The following SLC23A2 variants were observed in gnomAD, a reference collection of about 807,000 sequenced individuals.
The protein encoded by SLC23A2 is solute carrier family 23 member 2, also known as Na(+)/L-ascorbic acid transporter 2.
A neutral mutation model predicts 73.3 loss-of-function variants in SLC23A2; 36 were observed. That is an observed-to-expected ratio of 0.49 (90% CI 0.38 to 0.65). SLC23A2 has a LOEUF of 0.65. Ranked by LOEUF, SLC23A2 falls within the 30% of genes least tolerant of loss-of-function variation. SLC23A2 has a pLI of 0.00. For synonymous variants in SLC23A2, 343 were observed against 327.3 expected (o/e 1.05, Z -0.52); for missense variants, 507 against 841.6 (o/e 0.60, Z 4.92).
At chr20:4,867,018 C>G (rs913853332) in intron 13 of SLC23A2, among the ~76,000 whole-genome samples, 1 of 149,444 alleles carries the variant, frequency 6.7e-6, no homozygotes, top group South Asian at 2.1e-4. Flanking sequence ...TGCCCAGCCC[C>G]CCATGGTCTA....
intron 2 of SLC23A2, among the ~76,000 whole-genome samples, chr20:4,945,293 C>CTTGTTTGT (rs141626440): frequency 2.0e-5 from 3 of 151,802 alleles, no homozygotes; most frequent in Admixed American, 6.6e-5. Flanking sequence ...AACTCTTGAT[C>CTTGTTTGT]TTGTTTGTTT....
intron 1 of SLC23A2, among the ~76,000 whole-genome samples, chr20:4,983,060 G>A (rs1386293976): frequency 3.3e-5 from 5 of 151,750 alleles, no homozygotes; most frequent in African/African-American, 4.8e-5. Context: ...AGTCAAAATC[G>A]CGCCATTGCA....
rs527866143 is a variant in SLC23A2 at position 4,881,582 on chromosome 20, T to C, written c.824+2060A>G. 4.6e-5 allele frequency among the ~76,000 whole-genome samples: 7 copies of C among 152,382 alleles called. No individual in the cohort carries two copies. In the South Asian group the frequency reaches 1.5e-3, roughly 32 times the overall value. On this transcript the variant is annotated intron_variant, in intron 9 of 16. Coordinates refer to ENST00000338244, the MANE Select transcript of SLC23A2 (RefSeq NM_005116.6). ...TGCTTAGCTTTGCCAGAAGTTTGTC[T>C]ACATTGGGTTTTGTTTCCCCCTCAA...
chr20:4,886,617 T>A (rs1931109074), intron 6 of SLC23A2, among the ~76,000 whole-genome samples: 1 of 152,346 alleles, frequency 6.6e-6, no homozygotes, highest in East Asian at 1.9e-4. Context: ...TTTAGATACT[T>A]CATATTGACT....
chr20:4,910,033 C>T (rs542077099), intron 4 of SLC23A2, among the ~76,000 whole-genome samples: 1 of 152,298 alleles, frequency 6.6e-6, no homozygotes, highest in East Asian at 1.9e-4. Context: ...AACCAGCTTA[C>T]ATGCCACTCT....
At chr20:4,880,059 C>A (rs556272215) in intron 9 of SLC23A2, among the ~76,000 whole-genome samples, 1 of 152,182 alleles carries the variant, frequency 6.6e-6, no homozygotes, top group Non-Finnish European at 1.5e-5. Flanking sequence ...TAGAATGTGC[C>A]GCAATACATC....
intron 1 of SLC23A2, among the ~76,000 whole-genome samples, chr20:4,988,879 C>A (rs912984266): frequency 4.6e-5 from 7 of 151,774 alleles, no homozygotes; most frequent in African/African-American, 1.7e-4. Context: ...CCATTGCACT[C>A]CAGCTGAGCA....
chr20:4,983,870 T>C (rs6053013), intron 1 of SLC23A2, among the ~76,000 whole-genome samples: 126,544 of 150,852 alleles, frequency 0.84, 53,157 homozygotes, highest in East Asian at 0.98. Flanking sequence ...GCAGGAGAAT[T>C]GCTTGAACCC....
chr20:4,886,908 T>C (rs978616795), intron 6 of SLC23A2, among the ~76,000 whole-genome samples: 2 of 152,070 alleles, frequency 1.3e-5, no homozygotes, highest in Non-Finnish European at 2.9e-5. Context: ...TGGCAGCAAG[T>C]CCTACCCACA....
At chr20:4,887,204 C>T (rs1169533939) in intron 6 of SLC23A2, among the ~76,000 whole-genome samples, 1 of 152,180 alleles carries the variant, frequency 6.6e-6, no homozygotes, top group Admixed American at 6.5e-5. Context: ...TAATTACCTG[C>T]CAGAGGGGCC....
intron 2 of SLC23A2, among the ~76,000 whole-genome samples, chr20:4,939,512 G>T (rs2122959085): frequency 6.6e-6 from 1 of 152,314 alleles, no homozygotes; most frequent in South Asian, 2.1e-4. Context: ...AAACACATGA[G>T]CAAGCCTCTT....
At chr20:4,873,480 A>C (rs561207620) in intron 11 of SLC23A2, among the ~76,000 whole-genome samples, 1 of 152,328 alleles carries the variant, frequency 6.6e-6, no homozygotes, top group South Asian at 2.1e-4. Context: ...GCTGTGGCCA[A>C]ATTTAAAAGA....
intron 1 of SLC23A2, among the ~76,000 whole-genome samples, chr20:4,982,776 T>C (rs1027735816): frequency 2.0e-5 from 3 of 151,852 alleles, no homozygotes; most frequent in Non-Finnish European, 4.4e-5. Flanking sequence ...GGGGGTAGAG[T>C]CATCCTTTAA....
intron 4 of SLC23A2, among the ~76,000 whole-genome samples, chr20:4,905,137 C>T (rs1179532765): frequency 7.6e-6 from 1 of 132,004 alleles, no homozygotes; most frequent in Non-Finnish European, 1.6e-5. Flanking sequence ...AAAAAAAAAG[C>T]AAGACTTTTC....
chr20:4,890,450 C>T (rs1286388826), intron 6 of SLC23A2, among the ~76,000 whole-genome samples: 5 of 151,998 alleles, frequency 3.3e-5, no homozygotes, highest in South Asian at 2.1e-4. Context: ...GTCATGAGTT[C>T]GAGACCAGCC....
At chr20:4,969,990 A>G (rs2087536911) in intron 2 of SLC23A2, among the ~76,000 whole-genome samples, 1 of 152,150 alleles carries the variant, frequency 6.6e-6, no homozygotes, top group African/African-American at 2.4e-5. Flanking sequence ...AAGGAGGAAA[A>G]AAAGAATGCT....
chr20:4,977,052 T>C (rs1485842260), intron 1 of SLC23A2, among the ~76,000 whole-genome samples: 1 of 152,134 alleles, frequency 6.6e-6, no homozygotes, highest in African/African-American at 2.4e-5. Context: ...TAATTGTACA[T>C]ATTTCAGTTG....
intron 11 of SLC23A2, 103 bp from the exon 12 acceptor site, chr20:4,870,156 C>A: frequency 1.0e-6 from 1 of 954,624 alleles, no homozygotes; most frequent in South Asian, 1.8e-5. Context: ...TCTACAAGAT[C>A]CACTTGGATT....
intron 1 of SLC23A2, among the ~76,000 whole-genome samples, chr20:4,975,206 T>G (rs1213041507): frequency 6.6e-6 from 1 of 152,184 alleles, no homozygotes; most frequent in Non-Finnish European, 1.5e-5. Flanking sequence ...CCAGCCTTCC[T>G]CGTAAGAAAT....
Sources: allele counts gnomAD v4.1 joint callset (sites outside exome capture counted in the v4.1 genomes callset), GRCh38; gene constraint gnomAD v4.1.1; transcripts MANE v1.5; gene names NCBI Gene and HGNC (gene_info 2026-07-23, HGNC 2026-07-21).